ZFP28: variants seen among roughly 807,000 people sequenced by gnomAD.
The protein encoded by ZFP28 is ZFP28 zinc finger protein.
ZFP28 carries 31 observed loss-of-function variants against 39.5 expected under a neutral mutation model. That is an observed-to-expected ratio of 0.79 (90% CI 0.59 to 1.06). ZFP28 has a LOEUF of 1.06. ZFP28 is among the 50% of genes least tolerant of loss of function. ZFP28 has a pLI of 0.00. For missense variants in ZFP28, 925 were observed against 1,048.4 expected (o/e 0.88, Z 1.63); for synonymous variants, 400 against 378.6 (o/e 1.06, Z -0.66).
chr19:56,538,292 T>C (rs1245044802), upstream of ZFP28: 1 of 152,260 alleles, frequency 6.6e-6, no homozygotes, highest in East Asian at 1.9e-4. Context: ...GCCCCCAAGA[T>C]TGCCTTTCCC....
rs2044331782 is a variant in ZFP28, at chr19:56,554,351, A to T, written c.1566A>T (p.Gln522His). 4 of 1,614,006 alleles carry T rather than the reference A, an allele frequency of 2.5e-6. No homozygotes were observed. The highest frequency in any genetic ancestry group is 3.4e-6 in the Non-Finnish European group (4 of 1,180,036). ...TCAGTGACCACATAGGGCTTAATCA[A>T]CACAGGAGAATTCATACTGGAGAGA... Reference protein sequence around the residue: ...KAFSDHIGLNQHRRIHTGEKP... With the variant: ...KAFSDHIGLNHHRRIHTGEKP... The change falls in exon 8 of 8, where the codon CAA becomes CAT. Residue 522 changes from glutamine (Q) to histidine (H), a missense_variant. Gln to His is a conservative substitution (Grantham distance 24). This residue lies in a region of ZFP28 where 369 missense variants were observed against 505.5 expected (regional missense o/e 0.73). Coordinates refer to ENST00000301318, the MANE Select transcript of ZFP28 (RefSeq NM_020828.2). The surrounding 1 kb of genome is among the most constrained non-coding windows in gnomAD (Gnocchi z 6.7).
chr19:56,549,493 T>C (rs1424487593), intron 5 of ZFP28, among the ~76,000 whole-genome samples: 2 of 152,080 alleles, frequency 1.3e-5, no homozygotes, highest in African/African-American at 2.4e-5. Flanking sequence ...CTAGCTAACA[T>C]TGTGAAACCC....
At chr19:56,549,984 A>G in intron 5 of ZFP28, 83 bp from the exon 6 acceptor site, 1 of 1,088,662 alleles carries the variant, frequency 9.2e-7, no homozygotes, top group African/African-American at 1.6e-5. Flanking sequence ...CCTTTTTTGC[A>G]GTGTGGACAC....
Position 56,548,977 on chromosome 19 carries a change from G to A in ZFP28, c.543G>A (p.Lys181=), listed in dbSNP as rs1433461251. 6.2e-7 allele frequency: 1 copy of A among 1,613,718 alleles called. No homozygotes were observed. The highest frequency in any genetic ancestry group is 1.1e-5 in the South Asian group (1 of 90,988). The change falls in exon 5 of 8, where the codon AAG becomes AAA. Residue 181 remains lysine (K), a synonymous_variant. Transcript: ENST00000301318. ...AWCPDLKAVW[K]IKELPLKKDF... Reference sequence around the variant, plus strand: ...TTTCAGACTTGAAGGCTGTGTGGAAGATCAAGGAGTTACCTCTCAAGAAGG... The same window carrying A: ...TTTCAGACTTGAAGGCTGTGTGGAAAATCAAGGAGTTACCTCTCAAGAAGG...
chr19:56,539,259 C>G (rs1600536935), intron 1 of ZFP28, 33 bp downstream of exon 1: 1 of 1,558,596 alleles, frequency 6.4e-7, no homozygotes, highest in Non-Finnish European at 8.6e-7. Context: ...GCCGAGCGGA[C>G]AGGGACGAAT....
At chr19:56,543,753 C>A (rs2147950536) in intron 2 of ZFP28, among the ~76,000 whole-genome samples, 1 of 152,270 alleles carries the variant, frequency 6.6e-6, no homozygotes, top group African/African-American at 2.4e-5. Context: ...GTTTTGTCTC[C>A]ACCTAAATTA....
rs1327420529 is a variant in ZFP28, at chr19:56,550,552, A to G, written c.845A>G (p.Gln282Arg). ...AKPDLVSLLEQEKEPWMVKRE... is the reference protein window; with the variant it reads ...AKPDLVSLLEREKEPWMVKRE... The stretch of plus-strand genomic sequence containing the variant: ...CCAGATTTAGTCTCTTTACTAGAGC[A>G]AGAGAAGGAGCCCTGGATGGTGAAG... Residue 282 changes from glutamine (Q) to arginine (R), a missense_variant, in exon 7 of 8, where the codon CAA (glutamine) becomes CGA (arginine). Physicochemically the swap from Gln to Arg is conservative, Grantham distance 43. Around this residue, in one of 2 missense-constraint regions of ZFP28, gnomAD observed 556 missense variants for 542.9 expected, o/e 1.02. Transcript: ENST00000301318. The G allele has an allele frequency of 2.5e-6, 4 of 1,614,156 alleles. No individual in the cohort carries two copies.
At chr19:56,552,400 G>GAA (rs952058014) in intron 7 of ZFP28, 27 of 152,104 alleles carry the variant, frequency 1.8e-4, no homozygotes, top group African/African-American at 6.3e-4. Context: ...GCTGCTAGAT[G>GAA]AAAAATGTTT....
chr19:56,539,240 G>C lies in ZFP28; in HGVS notation c.208+14G>C, dbSNP rs535219235. 2 of 1,587,342 alleles carry C rather than the reference G, an allele frequency of 1.3e-6. No individual in the cohort carries two copies. The highest frequency in any genetic ancestry group is 2.7e-5 in the African/African-American group (2 of 74,642). On this transcript the variant is annotated intron_variant, in intron 1 of 7. Coordinates refer to ENST00000301318, the MANE Select transcript of ZFP28 (RefSeq NM_020828.2). ...CTGGGCACAGAGGTGAGAGTGACAGGTGTTTGGGGCCGAGCGGACAGGGAC... is the reference window on the plus strand; with the variant it reads ...CTGGGCACAGAGGTGAGAGTGACAGCTGTTTGGGGCCGAGCGGACAGGGAC...
At chr19:56,550,242 A>G (rs948567530) in intron 6 of ZFP28, 61 bp downstream of exon 6, 3 of 1,483,374 alleles carry the variant, frequency 2.0e-6, no homozygotes, top group Non-Finnish European at 2.8e-6. Flanking sequence ...TCCAAACTTC[A>G]GTTTTGAATT....
At chr19:56,549,921 C>A (rs2044280336) in intron 5 of ZFP28, 146 bp from the exon 6 acceptor site, 1 of 610,364 alleles carries the variant, frequency 1.6e-6, no homozygotes, top group Non-Finnish European at 2.9e-6. Context: ...TAAGCCCTGT[C>A]ATTATTTGAC....
At chr19:56,553,281 C>CTTGAT (rs1415069391) in intron 7 of ZFP28, among the ~76,000 whole-genome samples, 2 of 151,390 alleles carry the variant, frequency 1.3e-5, no homozygotes, top group Non-Finnish European at 2.9e-5. Context: ...AGTGCAGTGG[C>CTTGAT]TTGATCATAG....
At chr19:56,542,553 T>C (rs2044204822) in intron 2 of ZFP28, among the ~76,000 whole-genome samples, 2 of 152,268 alleles carry the variant, frequency 1.3e-5, no homozygotes, top group Admixed American at 6.5e-5. Context: ...TGTATTTTAC[T>C]TAATTTATCT....
intron 2 of ZFP28, among the ~76,000 whole-genome samples, chr19:56,543,400 A>T (rs2044213485): frequency 6.7e-6 from 1 of 148,786 alleles, no homozygotes; most frequent in Non-Finnish European, 1.5e-5. Flanking sequence ...ATGTATATAT[A>T]ATTTTTTTAA....
At position 56,554,531 on chromosome 19, in the gene ZFP28, A is replaced by G; in HGVS notation, c.1746A>G (p.Val582=). ...CATCACTCACTCAACATCAAAGAGT[A>G]CATTCTGGAGAAAAGCCTTTTAAGT... is the stretch of plus-strand genomic sequence containing the variant. ...HHASLTQHQR[V]HSGEKPFKCK... The change falls in exon 8 of 8, where the codon GTA becomes GTG. Residue 582 remains valine (V), a synonymous_variant. Coordinates refer to ENST00000301318, the MANE Select transcript of ZFP28 (RefSeq NM_020828.2). This position sits in a 1 kb window ranked among gnomAD's most constrained non-coding sequence, Gnocchi z 6.7. 6.2e-7 allele frequency: 1 copy of G among 1,614,220 alleles called. No individual in the cohort carries two copies. Among genetic ancestry groups the G allele is most frequent in the Non-Finnish European group, 8.5e-7 (1 of 1,180,042 alleles).
chr19:56,541,501 C>A (rs2044194932), intron 2 of ZFP28, among the ~76,000 whole-genome samples: 1 of 152,144 alleles, frequency 6.6e-6, no homozygotes, highest in African/African-American at 2.4e-5. Context: ...AAACATGTCA[C>A]CTTGTGTCAC....
At chr19:56,551,178 C>CT (rs1438581491) in intron 7 of ZFP28, 2 of 989,012 alleles carry the variant, frequency 2.0e-6, no homozygotes, top group African/African-American at 3.5e-5. Flanking sequence ...CCAGTGGTGT[C>CT]TATGTTTTAG....
At position 56,554,322 on chromosome 19, in the gene ZFP28, G is replaced by T; in HGVS notation, c.1537G>T (p.Ala513Ser). 6.2e-7 allele frequency: 1 copy of T among 1,614,098 alleles called. No individual in the cohort carries two copies. The highest frequency in any genetic ancestry group is 8.5e-7 in the Non-Finnish European group (1 of 1,180,020). The part of the protein sequence containing the change: ...KPFDCIDCGK[A>S]FSDHIGLNQH... ...CTTTGATTGCATCGATTGTGGGAAA[G>T]CCTTCAGTGACCACATAGGGCTTAA... The change falls in exon 8 of 8, where the codon GCC (alanine) becomes TCC (serine). Residue 513 changes from alanine (A) to serine (S), a missense_variant. Coordinates refer to ENST00000301318, the MANE Select transcript of ZFP28 (RefSeq NM_020828.2). This position sits in a 1 kb window ranked among gnomAD's most constrained non-coding sequence, Gnocchi z 6.7.
Position 56,539,233 on chromosome 19 carries a change from G to A in ZFP28, c.208+7G>A, listed in dbSNP as rs200295336. On this transcript the variant is annotated splice_region_variant and intron_variant, in intron 1 of 7. Coordinates refer to ENST00000301318, the MANE Select transcript of ZFP28 (RefSeq NM_020828.2). ...ACGGGGCCTGGGCACAGAGGTGAGA[G>A]TGACAGGTGTTTGGGGCCGAGCGGA... 6.5e-4 allele frequency: 1,035 copies of A among 1,589,974 alleles called. 4 individuals carry two copies. Among genetic ancestry groups the A allele is most frequent in the Non-Finnish European group, 6.3e-4 (741 of 1,173,400 alleles).
Sources: allele counts gnomAD v4.1 joint callset (sites outside exome capture counted in the v4.1 genomes callset), GRCh38; gene constraint gnomAD v4.1.1; regional missense constraint gnomAD v4.1.1; non-coding constraint Gnocchi (gnomAD v3.1); transcripts MANE v1.5; gene names NCBI Gene and HGNC (gene_info 2026-07-23, HGNC 2026-07-21).